The following LAMC1 variants were observed in gnomAD, a reference collection of about 807,000 sequenced individuals.
LAMC1 encodes laminin subunit gamma 1, also known as laminin subunit gamma-1.
In LAMC1, 38 loss-of-function variants were observed where a neutral mutation model predicts 173.6. That is an observed-to-expected ratio of 0.22 (90% CI 0.17 to 0.29). LAMC1 has a LOEUF of 0.29. Ranked by LOEUF, LAMC1 falls within the 10% of genes least tolerant of loss-of-function variation. The probability of loss-of-function intolerance (pLI) is 1.00; values close to 1 mark genes in which losing one functional copy is unlikely to be tolerated. For missense variants in LAMC1, 1,824 were observed against 2,051.8 expected, an observed-to-expected ratio of 0.89 and a Z score of 2.14; for synonymous variants, 746 against 749.1, an observed-to-expected ratio of 1.00 and a Z score of 0.07.
intron 1 of LAMC1, among the ~76,000 whole-genome samples, chr1:183,066,059 A>G (rs1654866621): frequency 2.0e-5 from 3 of 152,236 alleles, no homozygotes; most frequent in Non-Finnish European, 2.9e-5. Context: ...CATAGTGATT[A>G]TCATTATAAG....
chr1:183,072,473 A>C (rs1655033537), intron 1 of LAMC1, among the ~76,000 whole-genome samples: 1 of 152,204 alleles, frequency 6.6e-6, no homozygotes, highest in South Asian at 2.1e-4. Context: ...GGGTGTGGTC[A>C]CTTCTAGAAC....
At position 183,140,245 on chromosome 1, in the gene LAMC1, C is replaced by CAAAAAAAAAAAAAAAAAAA. The variant is rs56152259; in HGVS notation, c.4474-157_4474-139dup. Among the ~76,000 whole-genome samples, 138 of 52,896 alleles carry CAAAAAAAAAAAAAAAAAAA rather than the reference C, an allele frequency of 2.6e-3. 14 individuals carry two copies. Among genetic ancestry groups the CAAAAAAAAAAAAAAAAAAA allele is most frequent in the African/African-American group, 6.4e-3 (91 of 14,118 alleles). 34.7% of individuals were successfully genotyped at this position (52,896 alleles called of 152,430 possible). A position where few individuals can be genotyped will look rare whatever the true frequency, so the allele number is the denominator to read the frequency against. On this transcript the variant is annotated intron_variant, in intron 26 of 27. Transcript: ENST00000258341. ...ATATGAAGATATGCAGCAGCCCCAC[C>CAAAAAAAAAAAAAAAAAAA]AAAAAAAAAAAAAAAAAAAAGCAAT...
intron 1 of LAMC1, among the ~76,000 whole-genome samples, chr1:183,088,735 G>C (rs1462786478): frequency 2.0e-5 from 3 of 152,336 alleles, no homozygotes; most frequent in Non-Finnish European, 2.9e-5. Flanking sequence ...CAAGTTGAAA[G>C]TGGCATGGAT....
rs200477082 is a variant in LAMC1, at chr1:183,117,673, C to T, written c.1827C>T (p.Ile609=). ...GCTTAAGAGTATCTGTACCCTTGATCGCTCAGGGCAATTCCTATCCAAGTG... is the reference window on the plus strand; with the variant it reads ...GCTTAAGAGTATCTGTACCCTTGATTGCTCAGGGCAATTCCTATCCAAGTG... ...GAGLRVSVPL[I]AQGNSYPSET... is the part of the protein sequence containing the mutation. The change falls in exon 10 of 28, where the codon ATC becomes ATT. Residue 609 remains isoleucine (I), a synonymous_variant. Coordinates refer to ENST00000258341, the MANE Select transcript of LAMC1 (RefSeq NM_002293.4). The T allele has an allele frequency of 1.1e-5, 18 of 1,614,186 alleles. No homozygotes were observed. Among genetic ancestry groups the T allele is most frequent in the African/African-American group, 5.3e-5 (4 of 75,056 alleles).
chr1:183,125,598 A>G, intron 15 of LAMC1, 48 bp downstream of exon 15: 5 of 1,406,494 alleles, frequency 3.6e-6, no homozygotes, highest in Non-Finnish European at 4.8e-6. Context: ...TTTTTCTGTT[A>G]TAAAAAATGA....
intron 2 of LAMC1, among the ~76,000 whole-genome samples, chr1:183,105,224 C>CAAAAAAAAA (rs35512159): frequency 9.3e-5 from 4 of 42,824 alleles, no homozygotes; most frequent in African/African-American, 3.5e-4. Flanking sequence ...GACTCCATCT[C>CAAAAAAAAA]AAAAAAAAAA....
intron 1 of LAMC1, among the ~76,000 whole-genome samples, chr1:183,071,901 G>C (rs1429937551): frequency 1.3e-5 from 2 of 152,180 alleles, no homozygotes; most frequent in African/African-American, 4.8e-5. Context: ...AAAATGTTGA[G>C]ACCAGAGGTT....
chr1:183,088,624 A>G (rs1317739837), intron 1 of LAMC1, among the ~76,000 whole-genome samples: 1 of 152,230 alleles, frequency 6.6e-6, no homozygotes, highest in Non-Finnish European at 1.5e-5. Context: ...CTTGCTTTTG[A>G]ATAAGTTAAA....
intron 1 of LAMC1, among the ~76,000 whole-genome samples, chr1:183,062,188 A>G (rs1654758821): frequency 6.6e-6 from 1 of 152,248 alleles, no homozygotes; most frequent in South Asian, 2.1e-4. Context: ...TTATTTCTAT[A>G]TATTTTGTTT....
intron 1 of LAMC1, among the ~76,000 whole-genome samples, chr1:183,100,493 C>G (rs570107754): frequency 6.6e-6 from 1 of 152,272 alleles, no homozygotes; most frequent in East Asian, 1.9e-4. Flanking sequence ...ATGGTGATCA[C>G]TCCTCTGTGT....
intron 1 of LAMC1, among the ~76,000 whole-genome samples, chr1:183,061,998 G>A (rs186212708): frequency 4.6e-5 from 7 of 152,356 alleles, no homozygotes; most frequent in East Asian, 1.9e-4. Context: ...GACTCTGCAC[G>A]TTTGCATACA....
chr1:183,123,745 C>T (rs965523038), intron 13 of LAMC1, among the ~76,000 whole-genome samples: 3 of 152,172 alleles, frequency 2.0e-5, no homozygotes, highest in African/African-American at 4.8e-5. Context: ...CTTCACCAAC[C>T]GCTGCATACA....
chr1:183,128,806 G>A, intron 18 of LAMC1, 56 bp downstream of exon 18: 2 of 1,366,886 alleles, frequency 1.5e-6, no homozygotes, highest in East Asian at 2.4e-5. Context: ...CTTTAGATGT[G>A]GCTCCTAAAG....
chr1:183,023,669 C>G lies in LAMC1; in HGVS notation c.-48C>G. ...GGGGGACGCCGCTAGGCGAGAGGAA[C>G]GCGCCGGTGCCCTTGCCTTCGCCGT... On this transcript the variant is annotated 5_prime_UTR_variant, in exon 1 of 28. Coordinates refer to ENST00000258341, the MANE Select transcript of LAMC1 (RefSeq NM_002293.4). 8.7e-7 allele frequency: 1 copy of G among 1,150,502 alleles called. No individual in the cohort carries two copies. Among genetic ancestry groups the G allele is most frequent in the Non-Finnish European group, 1.1e-6 (1 of 934,078 alleles). 71.3% of individuals were successfully genotyped at this position (1,150,502 alleles called of 1,614,324 possible). A position where few individuals can be genotyped will look rare whatever the true frequency, so the allele number is the denominator to read the frequency against.
intron 3 of LAMC1, among the ~76,000 whole-genome samples, chr1:183,110,205 G>C (rs1402668942): frequency 1.3e-5 from 2 of 152,118 alleles, no homozygotes; most frequent in Non-Finnish European, 2.9e-5. Context: ...GCTACCTCTT[G>C]ACACACAGGT....
intron 1 of LAMC1, among the ~76,000 whole-genome samples, chr1:183,100,111 C>G (rs559872684): frequency 6.6e-6 from 1 of 152,196 alleles, no homozygotes; most frequent in Non-Finnish European, 1.5e-5. Context: ...AGCTCCCTAT[C>G]GCCTTTGTAG....
chr1:183,126,299 A>G (rs749595177), intron 16 of LAMC1, 37 bp downstream of exon 16: 7 of 1,601,770 alleles, frequency 4.4e-6, no homozygotes, highest in African/African-American at 1.3e-5. Context: ...CTAAGCTTCC[A>G]CTAATTCCAG....
chr1:183,125,469 GTT>G lies in LAMC1; in HGVS notation c.2722_2723del (p.Leu908AlafsTer12). The G allele has an allele frequency of 6.2e-7, 1 of 1,614,014 alleles. No homozygotes were observed. The highest frequency in any genetic ancestry group is 8.5e-7 in the Non-Finnish European group (1 of 1,179,854). On this transcript the variant is annotated frameshift_variant, in exon 15 of 28. Coordinates refer to ENST00000258341, the MANE Select transcript of LAMC1 (RefSeq NM_002293.4). LOFTEE classifies it high-confidence loss of function. ...AACCCCGTGACGGGGCAGTGTGAAT[GTT>G]TGCCTCACGTGACTGGCCAGGACTG...
intron 18 of LAMC1, among the ~76,000 whole-genome samples, chr1:183,129,445 T>G (rs575406531): frequency 6.6e-6 from 1 of 152,252 alleles, no homozygotes; most frequent in African/African-American, 2.4e-5. Context: ...CCACCATATA[T>G]AGTTAGGCAA....
Sources: gnomAD v4.1 joint callset for allele counts (sites outside exome capture counted in the v4.1 genomes callset) on GRCh38, gnomAD v4.1.1 for gene constraint, MANE v1.5 for transcripts, NCBI Gene and HGNC (gene_info 2026-07-23, HGNC 2026-07-21) for gene names.